Variants in TMEM132D observed in about 807,000 individuals in gnomAD.
TMEM132D encodes the protein mature OL transmembrane protein.
In TMEM132D, 21 loss-of-function variants were observed where a neutral mutation model predicts 62.3. The observed-to-expected ratio is 0.34, with a 90% CI of 0.24 to 0.49. The LOEUF (loss-of-function observed/expected upper bound fraction) is 0.49. Ranked by LOEUF, TMEM132D falls within the 20% of genes least tolerant of loss-of-function variation. The pLI, the probability that TMEM132D is intolerant of heterozygous loss-of-function variation, is 0.99. For missense variants in TMEM132D, 1,346 were observed against 1,402.8 expected (o/e 0.96, Z 0.65); for synonymous variants, 621 against 575.6 (o/e 1.08, Z -1.13).
chr12:129,304,031 T>C (rs1361558629), intron 4 of TMEM132D, among the ~76,000 whole-genome samples: 1 of 152,216 alleles, frequency 6.6e-6, no homozygotes, highest in African/African-American at 2.4e-5. Context: ...GGATCTTTAC[T>C]TGGTATACTG....
chr12:129,813,778 T>C (rs1009109509), intron 1 of TMEM132D, among the ~76,000 whole-genome samples: 2 of 152,062 alleles, frequency 1.3e-5, no homozygotes, highest in Admixed American at 1.3e-4. Context: ...TATTGGGCAC[T>C]GATGGTATTG....
At chr12:129,232,070 A>T (rs1270382340) in intron 4 of TMEM132D, among the ~76,000 whole-genome samples, 1 of 152,154 alleles carries the variant, frequency 6.6e-6, no homozygotes, top group East Asian at 1.9e-4. Flanking sequence ...ACCTGGGGAG[A>T]TTAAACAACA....
intron 1 of TMEM132D, among the ~76,000 whole-genome samples, chr12:129,869,308 A>G (rs1288010166): frequency 6.6e-6 from 1 of 152,192 alleles, no homozygotes; most frequent in Non-Finnish European, 1.5e-5. Flanking sequence ...CTGCATTTTC[A>G]GCTTCAATCC....
intron 4 of TMEM132D, among the ~76,000 whole-genome samples, chr12:129,257,252 G>GC (rs1200432480): frequency 1.3e-5 from 2 of 148,284 alleles, no homozygotes; most frequent in Non-Finnish European, 1.5e-5. Flanking sequence ...TGTCGCCCAG[G>GC]CAGGAATGCA....
intron 4 of TMEM132D, among the ~76,000 whole-genome samples, chr12:129,295,645 C>G (rs888459796): frequency 6.6e-6 from 1 of 152,048 alleles, no homozygotes; most frequent in African/African-American, 2.4e-5. Context: ...CACACTCACA[C>G]ACTCTCACAC....
chr12:129,127,563 C>A (rs1327916695), intron 5 of TMEM132D, among the ~76,000 whole-genome samples: 1 of 152,190 alleles, frequency 6.6e-6, no homozygotes, highest in Non-Finnish European at 1.5e-5. Flanking sequence ...ACAGCCCACT[C>A]TCTGGGCATT....
intron 2 of TMEM132D, among the ~76,000 whole-genome samples, chr12:129,570,245 A>G (rs993182019): frequency 2.0e-5 from 3 of 152,228 alleles, no homozygotes; most frequent in Non-Finnish European, 4.4e-5. Flanking sequence ...GAGGAGCAGT[A>G]TCACGGTTGG....
At chr12:129,338,651 TGA>T (rs1869368884) in intron 3 of TMEM132D, among the ~76,000 whole-genome samples, 1 of 152,136 alleles carries the variant, frequency 6.6e-6, no homozygotes, top group African/African-American at 2.4e-5. Flanking sequence ...AGGAATCCGC[TGA>T]GAGAGGTACT....
At chr12:129,769,103 T>C (rs1029024942) in intron 1 of TMEM132D, among the ~76,000 whole-genome samples, 2 of 152,228 alleles carry the variant, frequency 1.3e-5, no homozygotes, top group African/African-American at 2.4e-5. Flanking sequence ...TTCATCATTT[T>C]ATAAGAGCTT....
intron 5 of TMEM132D, among the ~76,000 whole-genome samples, chr12:129,089,437 C>T (rs796259629): frequency 2.7e-5 from 2 of 74,204 alleles, no homozygotes; most frequent in African/African-American, 6.4e-5. Context: ...GGGTGTCCTC[C>T]ATGACCGGGG....
At chr12:129,622,205 G>A (rs556415795) in intron 2 of TMEM132D, among the ~76,000 whole-genome samples, 216 of 152,292 alleles carry the variant, frequency 1.4e-3, no homozygotes, top group African/African-American at 5.1e-3. Context: ...AAAAGCAGAA[G>A]CCAGCAAGAG....
chr12:129,492,802 T>C (rs1473686360), intron 3 of TMEM132D, among the ~76,000 whole-genome samples: 1 of 152,246 alleles, frequency 6.6e-6, no homozygotes, highest in South Asian at 2.1e-4. Flanking sequence ...GGTCTACCCA[T>C]GAACAAAGCA....
intron 4 of TMEM132D, among the ~76,000 whole-genome samples, chr12:129,235,928 C>G (rs1879766535): frequency 6.6e-6 from 1 of 152,026 alleles, no homozygotes; most frequent in South Asian, 2.1e-4. Flanking sequence ...ATCTGTAGAT[C>G]ACTTTGGGTA....
intron 5 of TMEM132D, among the ~76,000 whole-genome samples, chr12:129,150,765 G>A (rs922191903): frequency 2.6e-5 from 4 of 152,230 alleles, no homozygotes; most frequent in East Asian, 3.9e-4. Flanking sequence ...CACTTCTTTC[G>A]TTCAGTGTCC....
chr12:129,189,602 G>A (rs1278295237), intron 5 of TMEM132D, among the ~76,000 whole-genome samples: 1 of 152,100 alleles, frequency 6.6e-6, no homozygotes, highest in Non-Finnish European at 1.5e-5. Context: ...AGGAAGGCTG[G>A]GAGTCCCCAC....
intron 1 of TMEM132D, among the ~76,000 whole-genome samples, chr12:129,769,122 G>A (rs1394654675): frequency 1.3e-5 from 2 of 152,152 alleles, no homozygotes; most frequent in African/African-American, 2.4e-5. Context: ...TTCACTGTAG[G>A]GAGGGAAGGG....
At chr12:129,469,957 G>A (rs1356974490) in intron 3 of TMEM132D, among the ~76,000 whole-genome samples, 3 of 152,186 alleles carry the variant, frequency 2.0e-5, no homozygotes, top group Non-Finnish European at 4.4e-5. Flanking sequence ...TCAAGCCTTT[G>A]TAAGATATGC....
intron 4 of TMEM132D, among the ~76,000 whole-genome samples, chr12:129,276,455 T>A (rs1881010611): frequency 6.6e-6 from 1 of 152,208 alleles, no homozygotes; most frequent in Admixed American, 6.5e-5. Context: ...ATTTGTCAGT[T>A]GTTTGTGTCC....
chr12:129,637,214 T>G (rs1879506347), intron 2 of TMEM132D, among the ~76,000 whole-genome samples: 1 of 152,234 alleles, frequency 6.6e-6, no homozygotes, highest in Non-Finnish European at 1.5e-5. Context: ...TCTGTTCATT[T>G]GTTTCAGGTA....
Sources: gnomAD v4.1 joint callset for allele counts (sites outside exome capture counted in the v4.1 genomes callset) on GRCh38, gnomAD v4.1.1 for gene constraint, MANE v1.5 for transcripts, NCBI Gene and HGNC (gene_info 2026-07-23, HGNC 2026-07-21) for gene names.